CSMD1: variants seen among roughly 807,000 people sequenced by gnomAD.
CSMD1 encodes CUB and sushi domain-containing protein 1.
CSMD1 carries 213 observed loss-of-function variants against 417.5 expected under a neutral mutation model. The observed-to-expected ratio is 0.51, with a 90% confidence interval of 0.46 to 0.57. The LOEUF (loss-of-function observed/expected upper bound fraction) is 0.57. Among genes scored for constraint, CSMD1 ranks in the 20% least tolerant of loss-of-function variants. The pLI is 0.00. For missense variants in CSMD1, 6,923 were observed against 4,529.7 expected, an observed-to-expected ratio of 1.53 and a Z score of -15.17; for synonymous variants, 2,862 against 1,736.8, an observed-to-expected ratio of 1.65 and a Z score of -16.11.
At chr8:2,940,739 A>G (rs928661955) in intron 69 of CSMD1, among the ~76,000 whole-genome samples, 2 of 152,224 alleles carry the variant, frequency 1.3e-5, no homozygotes, top group African/African-American at 2.4e-5. Context: ...ATCTTTTTAA[A>G]GGACAAGACA....
intron 11 of CSMD1, among the ~76,000 whole-genome samples, chr8:3,475,010 G>A (rs576436446): frequency 6.6e-6 from 1 of 152,210 alleles, no homozygotes; most frequent in South Asian, 2.1e-4. Context: ...TCCCAGGCGT[G>A]TTCAGCTCCA....
At chr8:4,886,780 C>T (rs1803769479) in intron 1 of CSMD1, among the ~76,000 whole-genome samples, 1 of 151,930 alleles carries the variant, frequency 6.6e-6, no homozygotes, top group African/African-American at 2.4e-5. Flanking sequence ...GATTTGTTGG[C>T]ATAAATTTAT....
intron 5 of CSMD1, among the ~76,000 whole-genome samples, chr8:3,837,637 G>T (rs371470586): frequency 2.6e-4 from 40 of 152,166 alleles, no homozygotes; most frequent in African/African-American, 9.7e-4. Context: ...ATTTTCTGCG[G>T]ATTGTAAGAA....
intron 3 of CSMD1, among the ~76,000 whole-genome samples, chr8:4,095,543 C>T (rs1335355301): frequency 1.3e-5 from 2 of 152,146 alleles, no homozygotes; most frequent in Non-Finnish European, 2.9e-5. Flanking sequence ...AAACATGCAA[C>T]TTTTAAGGAA....
chr8:3,103,392 C>A (rs537564869), intron 46 of CSMD1, among the ~76,000 whole-genome samples: 1 of 152,240 alleles, frequency 6.6e-6, no homozygotes, highest in South Asian at 2.1e-4. Context: ...CACAATTAAG[C>A]CATATGGTGT....
intron 2 of CSMD1, among the ~76,000 whole-genome samples, chr8:4,472,613 T>C (rs1800597900): frequency 1.3e-5 from 2 of 152,106 alleles, no homozygotes; most frequent in African/African-American, 4.8e-5. Context: ...TTTAACAAGA[T>C]ATTCTGCAAA....
chr8:4,089,975 C>G (rs893169726), intron 3 of CSMD1, among the ~76,000 whole-genome samples: 1 of 152,222 alleles, frequency 6.6e-6, no homozygotes, highest in Admixed American at 6.5e-5. Context: ...AGATAGAATG[C>G]CGCTATAATG....
intron 2 of CSMD1, among the ~76,000 whole-genome samples, chr8:4,511,857 T>C (rs574705047): frequency 2.6e-5 from 4 of 152,238 alleles, no homozygotes; most frequent in East Asian, 3.9e-4. Context: ...ACAAGGAATA[T>C]TGGAGAAGAG....
intron 5 of CSMD1, among the ~76,000 whole-genome samples, chr8:3,834,710 A>G (rs896213428): frequency 1.7e-4 from 26 of 152,070 alleles, no homozygotes; most frequent in Non-Finnish European, 3.1e-4. Flanking sequence ...AGTCTTGGGC[A>G]GATTAGAAAT....
At chr8:4,936,282 C>G (rs1211661430) in intron 1 of CSMD1, among the ~76,000 whole-genome samples, 2 of 152,056 alleles carry the variant, frequency 1.3e-5, no homozygotes, top group African/African-American at 2.4e-5. Context: ...TTTGAAATTT[C>G]AATTTTAAAA....
intron 52 of CSMD1, among the ~76,000 whole-genome samples, chr8:3,016,118 G>T (rs914099591): frequency 2.7e-4 from 41 of 152,198 alleles, no homozygotes; most frequent in African/African-American, 9.9e-4. Flanking sequence ...CTTCCTGTAC[G>T]TTCTAATCAG....
intron 23 of CSMD1, among the ~76,000 whole-genome samples, chr8:3,315,414 A>G (rs1019623098): frequency 6.9e-6 from 1 of 144,428 alleles, no homozygotes; most frequent in Non-Finnish European, 1.5e-5. Context: ...TCTTTATTCA[A>G]GAATGAAATT....
intron 37 of CSMD1, among the ~76,000 whole-genome samples, chr8:3,169,572 C>T (rs975396428): frequency 1.3e-5 from 2 of 151,932 alleles, no homozygotes; most frequent in South Asian, 2.1e-4. Context: ...AAGATGTGAA[C>T]ATTGTAGAGA....
At chr8:4,917,549 G>A (rs927371637) in intron 1 of CSMD1, among the ~76,000 whole-genome samples, 3 of 152,178 alleles carry the variant, frequency 2.0e-5, no homozygotes, top group East Asian at 3.9e-4. Context: ...CAGGAGAATC[G>A]CTTGAACCCA....
At chr8:3,996,065 T>C (rs1384514942) in intron 5 of CSMD1, among the ~76,000 whole-genome samples, 2 of 152,172 alleles carry the variant, frequency 1.3e-5, no homozygotes, top group Non-Finnish European at 2.9e-5. Flanking sequence ...CCATCAACTT[T>C]TCAGAACACG....
chr8:3,335,355 C>G (rs778034540), intron 23 of CSMD1, among the ~76,000 whole-genome samples: 1 of 152,134 alleles, frequency 6.6e-6, no homozygotes, highest in Non-Finnish European at 1.5e-5. Flanking sequence ...TGTGTCCCAA[C>G]GACACAAATG....
intron 2 of CSMD1, among the ~76,000 whole-genome samples, chr8:4,569,858 A>G (rs1015179812): frequency 3.3e-5 from 5 of 152,144 alleles, no homozygotes; most frequent in African/African-American, 9.7e-5. Flanking sequence ...AGTCCTTCAC[A>G]TCACTTGTAA....
intron 1 of CSMD1, among the ~76,000 whole-genome samples, chr8:4,969,359 T>G (rs941280833): frequency 6.6e-6 from 1 of 151,936 alleles, no homozygotes. Context: ...GAGGAAAGCA[T>G]TGTACCCCAG....
At chr8:4,736,685 C>T (rs548724788) in intron 1 of CSMD1, among the ~76,000 whole-genome samples, 21 of 152,088 alleles carry the variant, frequency 1.4e-4, no homozygotes, top group African/African-American at 4.3e-4. Flanking sequence ...GAAGATAAAT[C>T]GCAGGAAAAA....
Sources: gnomAD v4.1 joint callset for allele counts (sites outside exome capture counted in the v4.1 genomes callset) on GRCh38, gnomAD v4.1.1 for gene constraint, MANE v1.5 for transcripts, NCBI Gene and HGNC (gene_info 2026-07-23, HGNC 2026-07-21) for gene names.